GSG1L: variants seen among roughly 807,000 people sequenced by gnomAD.
GSG1L encodes the protein germ cell-specific gene 1-like protein.
Under a neutral mutation model 42.1 loss-of-function variants are expected in GSG1L, and 24 were observed. That is an observed-to-expected ratio of 0.57 (90% CI 0.41 to 0.80). The LOEUF (loss-of-function observed/expected upper bound fraction) is 0.80. Among genes scored for constraint, GSG1L ranks in the 30% least tolerant of loss-of-function variants. The probability of loss-of-function intolerance (pLI) is 0.00; values close to 1 mark genes in which losing one functional copy is unlikely to be tolerated. For synonymous variants in GSG1L, 215 were observed against 203.5 expected (o/e 1.06, Z -0.48); for missense variants, 445 against 472.2 (o/e 0.94, Z 0.53).
intron 1 of GSG1L, among the ~76,000 whole-genome samples, chr16:28,056,883 G>A (rs984234419): frequency 1.3e-5 from 2 of 152,148 alleles, no homozygotes; most frequent in Non-Finnish European, 2.9e-5. Context: ...GTGCAGGGGA[G>A]TGCCGGCGGG....
intron 1 of GSG1L, among the ~76,000 whole-genome samples, chr16:28,049,627 C>T (rs2086200789): frequency 1.3e-5 from 2 of 151,164 alleles, no homozygotes; most frequent in Admixed American, 6.6e-5. Flanking sequence ...GTCAAGACTT[C>T]AGTGAGCTGT....
intron 3 of GSG1L, among the ~76,000 whole-genome samples, chr16:27,859,120 G>A (rs2083612950): frequency 6.6e-6 from 1 of 152,184 alleles, no homozygotes; most frequent in Non-Finnish European, 1.5e-5. Context: ...GTCTTGAGCT[G>A]TGGGAGGGGT....
At position 27,973,439 on chromosome 16, in the gene GSG1L, C is replaced by CAAAAAAAAAAAAAA. The variant is rs71140935; in HGVS notation, c.350-10250_350-10237dup. ...AGCCTGGGCAATAAAGACCCCATCA[C>CAAAAAAAAAAAAAA]AAAAAAAAAAAAAAAAAAAAAAAAA... On this transcript the variant is annotated intron_variant, in intron 1 of 6. Coordinates refer to ENST00000447459, the MANE Select transcript of GSG1L (RefSeq NM_001109763.2). 5.0e-4 allele frequency among the ~76,000 whole-genome samples: 15 copies of CAAAAAAAAAAAAAA among 29,856 alleles called. 2 individuals carry two copies. Among genetic ancestry groups the CAAAAAAAAAAAAAA allele is most frequent in the Admixed American group, 1.2e-3 (2 of 1,662 alleles). The allele number at this position is 29,856 out of a possible 152,430, so 19.6% of individuals were successfully genotyped here.
chr16:27,879,943 G>A (rs1029436607), intron 3 of GSG1L, among the ~76,000 whole-genome samples: 2 of 145,936 alleles, frequency 1.4e-5, no homozygotes, highest in African/African-American at 5.0e-5. Context: ...AGGGCTGACT[G>A]TAATTGGTTA....
intron 2 of GSG1L, among the ~76,000 whole-genome samples, chr16:27,897,934 CG>C (rs1427979499): frequency 2.0e-5 from 3 of 152,226 alleles, no homozygotes; most frequent in Non-Finnish European, 1.5e-5. Context: ...CCTCTGTAAA[CG>C]GCAGCCTATG....
intron 5 of GSG1L, among the ~76,000 whole-genome samples, chr16:27,808,136 G>T (rs2082989942): frequency 6.6e-6 from 1 of 151,882 alleles, no homozygotes; most frequent in South Asian, 2.1e-4. Context: ...CCAGGCTGGA[G>T]TGTAGTAGCA....
intron 2 of GSG1L, among the ~76,000 whole-genome samples, chr16:27,891,207 CA>C (rs2084121629): frequency 6.6e-6 from 1 of 152,184 alleles, no homozygotes; most frequent in African/African-American, 2.4e-5. Context: ...TGTTTCCCAC[CA>C]GGGGACGAGT....
chr16:27,867,716 A>T (rs1475819318), intron 3 of GSG1L, among the ~76,000 whole-genome samples: 1 of 152,040 alleles, frequency 6.6e-6, no homozygotes, highest in African/African-American at 2.4e-5. Context: ...ACTGGCCACC[A>T]GGAGGAGGGT....
intron 4 of GSG1L, among the ~76,000 whole-genome samples, chr16:27,842,389 C>T (rs1024354116): frequency 2.6e-5 from 4 of 152,202 alleles, no homozygotes; most frequent in African/African-American, 4.8e-5. Flanking sequence ...CCCAGCTCTA[C>T]CCCTCGCAGC....
intron 2 of GSG1L, among the ~76,000 whole-genome samples, chr16:27,921,709 T>C (rs1262581546): frequency 6.6e-6 from 1 of 152,222 alleles, no homozygotes; most frequent in African/African-American, 2.4e-5. Context: ...GCTTGATAGC[T>C]TGGATATGCC....
intron 2 of GSG1L, among the ~76,000 whole-genome samples, chr16:27,913,116 C>T (rs2084411326): frequency 1.3e-5 from 2 of 152,076 alleles, no homozygotes; most frequent in Non-Finnish European, 2.9e-5. Flanking sequence ...AGCCACCACG[C>T]CTGGCCAATG....
chr16:27,931,265 C>T lies in GSG1L; in HGVS notation c.397+31891G>A, dbSNP rs1168876131. Among the ~76,000 whole-genome samples the T allele has an allele frequency of 2.0e-5, 3 of 152,204 alleles. No individual in the cohort carries two copies. In the East Asian group the frequency reaches 5.8e-4, roughly 29 times the overall value. ...AATGCCTGGAACAAAGTAGAGGAGGCTGGACAGCTTCCCGGCTGCAATCTC... is the reference window on the plus strand; with the variant it reads ...AATGCCTGGAACAAAGTAGAGGAGGTTGGACAGCTTCCCGGCTGCAATCTC... On this transcript the variant is annotated intron_variant, in intron 2 of 6. Coordinates refer to ENST00000447459, the MANE Select transcript of GSG1L (RefSeq NM_001109763.2).
chr16:27,992,268 G>A (rs895768826), intron 1 of GSG1L, among the ~76,000 whole-genome samples: 5 of 152,132 alleles, frequency 3.3e-5, no homozygotes, highest in South Asian at 2.1e-4. Flanking sequence ...AGGCCGAAGC[G>A]GGTGGATCAC....
At chr16:28,020,557 G>A (rs889098174) in intron 1 of GSG1L, among the ~76,000 whole-genome samples, 14 of 152,124 alleles carry the variant, frequency 9.2e-5, no homozygotes, top group African/African-American at 4.8e-5. Flanking sequence ...ATGTCAGAGG[G>A]GGTGTTGCAG....
intron 2 of GSG1L, among the ~76,000 whole-genome samples, chr16:27,893,425 CATTCCTA>C (rs2084152532): frequency 6.6e-6 from 1 of 152,148 alleles, no homozygotes; most frequent in Admixed American, 6.5e-5. Context: ...TAGGGTTCCT[CATTCCTA>C]AAATGGGCAT....
At chr16:28,021,848 G>A (rs969310814) in intron 1 of GSG1L, among the ~76,000 whole-genome samples, 3 of 152,136 alleles carry the variant, frequency 2.0e-5, no homozygotes, top group Non-Finnish European at 2.9e-5. Context: ...AAGATGCCAG[G>A]ATATAGCCCA....
chr16:28,040,093 A>G lies in GSG1L; in HGVS notation c.349+22983T>C, dbSNP rs1328737483. Among the ~76,000 whole-genome samples, 1 of 151,936 alleles carries G rather than the reference A, an allele frequency of 6.6e-6. No homozygotes were observed. The highest frequency in any genetic ancestry group is 1.5e-5 in the Non-Finnish European group (1 of 67,964). On this transcript the variant is annotated intron_variant, in intron 1 of 6. Coordinates refer to ENST00000447459, the MANE Select transcript of GSG1L (RefSeq NM_001109763.2). This position sits in a 1 kb window ranked among gnomAD's most constrained non-coding sequence, Gnocchi z 4.1. ...TCCTGTCCTTTCTTCCTGCAAAACA[A>G]TGGCTGAGCCCGTCACCCTTCTCCA... is the stretch of plus-strand genomic sequence containing the variant.
chr16:27,825,144 G>A (rs1289171129), intron 5 of GSG1L, among the ~76,000 whole-genome samples: 1 of 152,208 alleles, frequency 6.6e-6, no homozygotes, highest in Admixed American at 6.5e-5. Flanking sequence ...GATGATGGTG[G>A]AGATGGAAAT....
chr16:27,880,169 C>T (rs893121724), intron 3 of GSG1L, among the ~76,000 whole-genome samples: 1 of 152,234 alleles, frequency 6.6e-6, no homozygotes, highest in African/African-American at 2.4e-5. Flanking sequence ...AGCCCCTTAC[C>T]ACCTCTTGCC....
Sources: allele counts gnomAD v4.1 joint callset (sites outside exome capture counted in the v4.1 genomes callset), GRCh38; gene constraint gnomAD v4.1.1; non-coding constraint Gnocchi (gnomAD v3.1); transcripts MANE v1.5; gene names NCBI Gene and HGNC (gene_info 2026-07-23, HGNC 2026-07-21).